Variants in TMEM234 observed in about 807,000 individuals in gnomAD.
TMEM234 encodes the protein transmembrane protein 234.
In TMEM234, 21 loss-of-function variants were observed where a neutral mutation model predicts 17.8. That is an observed-to-expected ratio of 1.18 (90% CI 0.84 to 1.70). The LOEUF (loss-of-function observed/expected upper bound fraction) is 1.70, where lower values mean the gene tolerates loss of function less well. Among genes scored for constraint, TMEM234 ranks in the 40% most tolerant of loss-of-function variants. TMEM234 has a pLI of 0.00. For synonymous variants in TMEM234, 83 were observed against 73.5 expected (o/e 1.13, Z -0.66); for missense variants, 137 against 166.9 (o/e 0.82, Z 0.99).
downstream of TMEM234, chr1:32,215,558 C>G (rs573967968): frequency 3.2e-4 from 519 of 1,609,954 alleles, 12 homozygotes; most frequent in South Asian, 5.4e-3. Context: ...GCTGTTGGAT[C>G]AGGAAACAGT....
At chr1:32,215,237 A>G (rs1258109345), downstream of TMEM234, 1 of 595,758 alleles carries the variant, frequency 1.7e-6, no homozygotes, top group Non-Finnish European at 2.9e-6. Flanking sequence ...CAGTGCTTAA[A>G]GCGATAAGAC....
chr1:32,217,551 A>G lies in TMEM234; in HGVS notation c.236-200T>C, dbSNP rs369134610. 57 of 1,246,644 alleles carry G rather than the reference A, an allele frequency of 4.6e-5. No individual in the cohort carries two copies. In the Middle Eastern group the frequency reaches 5.5e-4, roughly 12 times the overall value. 77.2% of individuals were successfully genotyped at this position (1,246,644 alleles called of 1,614,324 possible). On this transcript the variant is annotated intron_variant, in intron 3 of 4. Transcript: ENST00000309777. ...TGCTTCCCAGGATTCCAGCATGAAG[A>G]CCTGAACTCTGAGGTCTGGGACCAG...
chr1:32,217,273 T>G lies in TMEM234; in HGVS notation c.314A>C (p.Asp105Ala), dbSNP rs1246436346. The change falls in exon 4 of 5, where the codon GAT becomes GCT. Residue 105 changes from aspartate (D) to alanine (A), a missense_variant. Transcript: ENST00000309777. ...GTCTAACTTACGTTTTCCACCAATATCTTCTCCAAGGGCCTTCCCAACAAT... is the reference window on the plus strand; with the variant it reads ...GTCTAACTTACGTTTTCCACCAATAGCTTCTCCAAGGGCCTTCCCAACAAT... ...TLIVGKALGE[D>A]IGGKRAVAGM... 6.2e-7 allele frequency: 1 copy of G among 1,614,110 alleles called. No individual in the cohort carries two copies. The highest frequency in any genetic ancestry group is 2.2e-5 in the East Asian group (1 of 44,892).
In TMEM234 at chr1:32,222,329, G is replaced by A. The variant is rs774172871; in HGVS notation, c.-7C>T. Reference sequence around the variant, plus strand: ...TACCCAGAGACGCCGCCATGGCAACGCCGCTGTCTTCTACTTCCGGGAACG... The same window carrying A: ...TACCCAGAGACGCCGCCATGGCAACACCGCTGTCTTCTACTTCCGGGAACG... On this transcript the variant is annotated 5_prime_UTR_variant, in exon 1 of 5. Transcript: ENST00000309777. 3 of 1,561,678 alleles carry A rather than the reference G, an allele frequency of 1.9e-6. No individual in the cohort carries two copies. The highest frequency in any genetic ancestry group is 2.6e-6 in the Non-Finnish European group (3 of 1,151,508).
downstream of TMEM234, chr1:32,214,929 T>A (rs200705472): frequency 2.5e-5 from 41 of 1,613,790 alleles, no homozygotes; most frequent in African/African-American, 5.2e-4. Context: ...CTCATTCCCA[T>A]CAGGTGAGGG....
downstream of TMEM234, chr1:32,215,905 C>T (rs753395559): frequency 6.5e-7 from 1 of 1,549,594 alleles, no homozygotes; most frequent in South Asian, 1.2e-5. Flanking sequence ...TGAGAGCCAG[C>T]AGCTCCAGAG....
At position 32,217,315 on chromosome 1, in the gene TMEM234, GC is replaced by G. The variant is rs866765896; in HGVS notation, c.271del (p.Ala91LeufsTer6). The G allele has an allele frequency of 1.2e-6, 2 of 1,613,368 alleles. No homozygotes were observed. Among genetic ancestry groups the G allele is most frequent in the East Asian group, 2.2e-5 (1 of 44,856 alleles). On this transcript the variant is annotated frameshift_variant, in exon 4 of 5. Transcript: ENST00000309777. LOFTEE classifies it high-confidence loss of function. ...TLAVPICNSL[A>X]IIFTLIVGKA... ...CCCAACAATCAGTGTGAAGATGATA[GC>G]CAGAGAGTTACAGATGGGCACAGCC... is the stretch of plus-strand genomic sequence containing the variant.
Position 32,217,334 on chromosome 1 carries a change from G to A in TMEM234, c.253C>T (p.Pro85Ser). The A allele has an allele frequency of 6.2e-7, 1 of 1,611,118 alleles. No homozygotes were observed. Among genetic ancestry groups the A allele is most frequent in the South Asian group, 1.1e-5 (1 of 90,928 alleles). Residue 85 changes from proline (P) to serine (S), a missense_variant, in exon 4 of 5, where the codon CCC (proline) becomes TCC (serine). Physicochemically the swap from Pro to Ser is moderately conservative, Grantham distance 74. Coordinates refer to ENST00000309777, the MANE Select transcript of TMEM234 (RefSeq NM_019118.5). Reference protein sequence around the residue: ...LASTDLTLAVPICNSLAIIFT... With the variant: ...LASTDLTLAVSICNSLAIIFT... ...ATGATAGCCAGAGAGTTACAGATGG[G>A]CACAGCCAGGGTCAGATCTGGGTGG...
chr1:32,215,590 T>C (rs745745710), downstream of TMEM234: 3 of 1,569,628 alleles, frequency 1.9e-6, no homozygotes, highest in East Asian at 2.2e-5. Flanking sequence ...GGAGGAGCTC[T>C]GAGCTGGAAA....
Position 32,221,202 on chromosome 1 carries a change from AAAGAGGAGAAACCTGCAGTCAG to A in TMEM234, c.169-27_169-6del. On this transcript the variant is annotated splice_polypyrimidine_tract_variant and splice_region_variant and intron_variant, in intron 2 of 4. Coordinates refer to ENST00000309777, the MANE Select transcript of TMEM234 (RefSeq NM_019118.5). The stretch of plus-strand genomic sequence containing the variant: ...GAGGAGAAAGGGCATCAGGTACTGG[AAAGAGGAGAAACCTGCAGTCAG>A]TGTGATGGCCTGACTGAGCAGCACT... The A allele has an allele frequency of 6.2e-7, 1 of 1,612,236 alleles. No individual in the cohort carries two copies. Among genetic ancestry groups the A allele is most frequent in the Non-Finnish European group, 8.5e-7 (1 of 1,178,984 alleles).
At chr1:32,215,516 C>G (rs770593003), downstream of TMEM234, 8 of 1,613,702 alleles carry the variant, frequency 5.0e-6, no homozygotes, top group Non-Finnish European at 6.8e-6. Flanking sequence ...ATGATGAAGA[C>G]ACTCAGACAG....
In TMEM234 at chr1:32,222,309, A is replaced by C. The variant is rs1225323192; in HGVS notation, c.14T>G (p.Leu5Arg). ...GAAGGGCGGGGCCGGCTACCTACCC[A>C]GAGACGCCGCCATGGCAACGCCGCT... MAASLGQVLALVLVA... is the reference protein window; with the variant it reads MAASRGQVLALVLVA... Residue 5 changes from leucine to arginine, a missense_variant and splice_region_variant, in exon 1 of 5, where the codon CTG becomes CGG. By Grantham distance (102) the Leu-to-Arg change is moderately radical. Transcript: ENST00000309777. 5 of 1,561,246 alleles carry C rather than the reference A, an allele frequency of 3.2e-6. No homozygotes were observed. The African/African-American group carries it at 4.1e-5, about 13-fold the overall frequency.
downstream of TMEM234, chr1:32,215,053 G>GAAAAAAA: frequency 9.5e-7 from 1 of 1,051,932 alleles, no homozygotes; most frequent in South Asian, 1.9e-5. Flanking sequence ...GCCGGCACTG[G>GAAAAAAA]AAAAAAAAAA....
downstream of TMEM234, chr1:32,215,448 G>A (rs1391821479): frequency 6.2e-7 from 1 of 1,612,032 alleles, no homozygotes; most frequent in Non-Finnish European, 8.5e-7. Flanking sequence ...AGGAGTTATA[G>A]GAGTATATGG....
Position 32,216,604 on chromosome 1 carries a change from C to T in TMEM234, c.*249G>A, listed in dbSNP as rs767735703. ...GTTAGCAGGAAGAGAGCTGCTGGGGCAGAAAGGTTGCTGAGGGTGAGCGTA... is the reference window on the plus strand; with the variant it reads ...GTTAGCAGGAAGAGAGCTGCTGGGGTAGAAAGGTTGCTGAGGGTGAGCGTA... On this transcript the variant is annotated 3_prime_UTR_variant, in exon 5 of 5. Transcript: ENST00000309777. The T allele has an allele frequency of 3.3e-4, 500 of 1,538,170 alleles. No homozygotes were observed. The highest frequency in any genetic ancestry group is 4.1e-4 in the Non-Finnish European group (465 of 1,137,268).
At chr1:32,219,858 C>T (rs1638734585) in intron 3 of TMEM234, among the ~76,000 whole-genome samples, 2 of 152,090 alleles carry the variant, frequency 1.3e-5, no homozygotes, top group Non-Finnish European at 1.5e-5. Context: ...CCTGTTTCCC[C>T]GCATGTAAAA....
chr1:32,215,855 T>C, downstream of TMEM234: 1 of 1,553,018 alleles, frequency 6.4e-7, no homozygotes, highest in Non-Finnish European at 8.7e-7. Flanking sequence ...AGCCTGGGGC[T>C]GGGGCTGCTA....
At chr1:32,215,011 A>T (rs1638260366), downstream of TMEM234, 7 of 1,541,692 alleles carry the variant, frequency 4.5e-6, no homozygotes, top group Middle Eastern at 5.2e-4. Flanking sequence ...GTTGTTGGGG[A>T]TGTCCATGGG....
In TMEM234 at chr1:32,216,562, G is replaced by T. The variant is rs764761620; in HGVS notation, c.*291C>A. On this transcript the variant is annotated 3_prime_UTR_variant, in exon 5 of 5. Transcript: ENST00000309777. ...GATCAGGCCACAGTAATGGTGGCTG[G>T]GCTGGGAGCCTGAGATGTTAGCAGG... The T allele has an allele frequency of 6.5e-7, 1 of 1,546,732 alleles. No homozygotes were observed. The highest frequency in any genetic ancestry group is 8.7e-7 in the Non-Finnish European group (1 of 1,142,946).
Sources: allele counts gnomAD v4.1 joint callset (sites outside exome capture counted in the v4.1 genomes callset), GRCh38; gene constraint gnomAD v4.1.1; transcripts MANE v1.5; gene names NCBI Gene and HGNC (gene_info 2026-07-23, HGNC 2026-07-21).